The following CDH4 variants were observed in gnomAD, a reference collection of about 807,000 sequenced individuals.
CDH4 encodes the protein cadherin 4, also known as cadherin-4.
A neutral mutation model predicts 86.0 loss-of-function variants in CDH4; 33 were observed. The ratio of observed to expected loss-of-function variants is 0.38; its 90% CI spans 0.29 to 0.51. CDH4 has a LOEUF of 0.51. CDH4 is among the 20% of genes least tolerant of loss of function. The probability of loss-of-function intolerance (pLI) is 0.86; values close to 1 mark genes in which losing one functional copy is unlikely to be tolerated. For missense variants in CDH4, 1,114 were observed against 1,307.4 expected, an observed-to-expected ratio of 0.85 and a Z score of 2.28; for synonymous variants, 555 against 549.4, an observed-to-expected ratio of 1.01 and a Z score of -0.14.
intron 2 of CDH4, among the ~76,000 whole-genome samples, chr20:61,695,729 A>G (rs2087708385): frequency 6.6e-6 from 1 of 152,198 alleles, no homozygotes; most frequent in Admixed American, 6.5e-5. Flanking sequence ...GACTTGGAAA[A>G]TGGTGAGCCC....
chr20:61,444,056 TTGTC>T (rs758151517), intron 2 of CDH4, among the ~76,000 whole-genome samples: 953 of 31,492 alleles, frequency 0.03, 7 homozygotes, highest in Non-Finnish European at 0.042. Flanking sequence ...ATATCTCTGG[TTGTC>T]TGTGTGTGTG....
At chr20:61,366,592 G>A (rs562170491) in intron 2 of CDH4, among the ~76,000 whole-genome samples, 25 of 152,334 alleles carry the variant, frequency 1.6e-4, no homozygotes, top group African/African-American at 5.8e-4. Flanking sequence ...ACCCCTTATG[G>A]GAAACGAAGG....
chr20:61,536,208 G>A (rs1169019125), intron 2 of CDH4, among the ~76,000 whole-genome samples: 1 of 152,128 alleles, frequency 6.6e-6, no homozygotes, highest in African/African-American at 2.4e-5. Flanking sequence ...TGTGTTCCAC[G>A]GGTGCAACAA....
chr20:61,557,521 A>G (rs796558040), intron 2 of CDH4, among the ~76,000 whole-genome samples: 2 of 152,334 alleles, frequency 1.3e-5, no homozygotes, highest in African/African-American at 4.8e-5. Flanking sequence ...TGGTCTGCTC[A>G]CTGCAGACTT....
intron 2 of CDH4, among the ~76,000 whole-genome samples, chr20:61,409,735 C>G (rs1051554431): frequency 6.6e-6 from 1 of 152,212 alleles, no homozygotes; most frequent in African/African-American, 2.4e-5. Flanking sequence ...CCTGGAATGC[C>G]ATTTATTTTC....
intron 3 of CDH4, among the ~76,000 whole-genome samples, chr20:61,767,983 C>T (rs538169826): frequency 5.9e-5 from 9 of 152,288 alleles, no homozygotes; most frequent in South Asian, 2.1e-4. Flanking sequence ...CGACAGTGGG[C>T]GGCTGCCTTG....
At chr20:61,913,007 A>G (rs1462693440) in intron 9 of CDH4, among the ~76,000 whole-genome samples, 1 of 152,168 alleles carries the variant, frequency 6.6e-6, no homozygotes, top group Non-Finnish European at 1.5e-5. Flanking sequence ...GTGAGCCCAG[A>G]GCTGGCTGGG....
chr20:61,454,477 A>C (rs544928064), intron 2 of CDH4, among the ~76,000 whole-genome samples: 1 of 151,764 alleles, frequency 6.6e-6, no homozygotes, highest in African/African-American at 2.4e-5. Context: ...ACGGAGTCTC[A>C]CTCTGTCCCC....
chr20:61,647,559 C>CTCTCCG (rs2087076900), intron 2 of CDH4, among the ~76,000 whole-genome samples: 1 of 113,386 alleles, frequency 8.8e-6, no homozygotes, highest in Non-Finnish European at 2.1e-5. Context: ...CTCCCTCTCC[C>CTCTCCG]TCTCCCTCTC....
chr20:61,790,606 C>T (rs1422743727), intron 4 of CDH4, among the ~76,000 whole-genome samples: 1 of 151,818 alleles, frequency 6.6e-6, no homozygotes, highest in Non-Finnish European at 1.5e-5. Flanking sequence ...ATCCACCCAC[C>T]ATCCACCCAT....
In CDH4 at chr20:61,829,884, G is replaced by T. The variant is rs570920743; in HGVS notation, c.577-14784G>T. Reference sequence around the variant, plus strand: ...TCATCCCTCCCGCCCCTAGCCTGCTGGGGTGGGAGGGACGAGGCTCCTGCC... The same window carrying T: ...TCATCCCTCCCGCCCCTAGCCTGCTTGGGTGGGAGGGACGAGGCTCCTGCC... On this transcript the variant is annotated intron_variant, in intron 4 of 15. Transcript: ENST00000614565. This position sits in a 1 kb window ranked among gnomAD's most constrained non-coding sequence, Gnocchi z 4.2. 6.6e-6 allele frequency among the ~76,000 whole-genome samples: 1 copy of T among 152,170 alleles called. No individual in the cohort carries two copies. Among genetic ancestry groups the T allele is most frequent in the South Asian group, 2.1e-4 (1 of 4,820 alleles).
At chr20:61,889,493 TGATGGATGGATGATG>T (rs543161091) in intron 7 of CDH4, among the ~76,000 whole-genome samples, 18 of 140,060 alleles carry the variant, frequency 1.3e-4, no homozygotes, top group South Asian at 7.0e-4. Flanking sequence ...AGTGAGTGGA[TGATGGATGGATGATG>T]GATGGATGGA....
In CDH4 at chr20:61,773,143, C is replaced by T. The variant is rs774837151; in HGVS notation, c.537C>T (p.Pro179=). ...GGGTCATCCCGCCCATCAACGTGCCCGAGAACTCGCGCGGGCCCTTCCCGC... is the reference window on the plus strand; with the variant it reads ...GGGTCATCCCGCCCATCAACGTGCCTGAGAACTCGCGCGGGCCCTTCCCGC... The part of the protein sequence containing the change: ...RDWVIPPINV[P]ENSRGPFPQQ... The change falls in exon 4 of 16, where the codon CCC becomes CCT. Residue 179 remains proline (P), a synonymous_variant. Coordinates refer to ENST00000614565, the MANE Select transcript of CDH4 (RefSeq NM_001794.5). The T allele has an allele frequency of 1.9e-6, 3 of 1,599,314 alleles. No individual in the cohort carries two copies. Among genetic ancestry groups the T allele is most frequent in the Non-Finnish European group, 1.7e-6 (2 of 1,173,364 alleles).
rs1245124139 is a variant in CDH4, at chr20:61,937,052, G to A, written c.*109G>A. The A allele has an allele frequency of 2.2e-6, 2 of 890,232 alleles. No individual in the cohort carries two copies. Among genetic ancestry groups the A allele is most frequent in the Non-Finnish European group, 3.2e-6 (2 of 618,942 alleles). The allele number at this position is 890,232 out of a possible 1,614,324, so 55.1% of individuals were successfully genotyped here. On this transcript the variant is annotated 3_prime_UTR_variant, in exon 16 of 16. Coordinates refer to ENST00000614565, the MANE Select transcript of CDH4 (RefSeq NM_001794.5). Reference sequence around the variant, plus strand: ...GACTCCCTGCGGCTGTGTCCTTAGTGCTGTTAGGAGGCCCCCCAATCCCCA... The same window carrying A: ...GACTCCCTGCGGCTGTGTCCTTAGTACTGTTAGGAGGCCCCCCAATCCCCA...
At chr20:61,414,572 C>T (rs979717311) in intron 2 of CDH4, among the ~76,000 whole-genome samples, 18 of 152,180 alleles carry the variant, frequency 1.2e-4, no homozygotes, top group Admixed American at 7.9e-4. Context: ...GTTCTCTGTG[C>T]GGCAATATTA....
intron 2 of CDH4, among the ~76,000 whole-genome samples, chr20:61,316,429 C>T (rs1055191657): frequency 5.3e-4 from 81 of 152,312 alleles, no homozygotes; most frequent in African/African-American, 1.9e-3. Flanking sequence ...CAAGTTCAGG[C>T]GGCAGAACAA....
chr20:61,762,404 T>C (rs986163174), intron 3 of CDH4, among the ~76,000 whole-genome samples: 1 of 152,228 alleles, frequency 6.6e-6, no homozygotes, highest in Non-Finnish European at 1.5e-5. Flanking sequence ...TACCCACTGT[T>C]CACCCACATT....
intron 5 of CDH4, among the ~76,000 whole-genome samples, chr20:61,849,803 A>T (rs1265838047): frequency 6.6e-6 from 1 of 152,148 alleles, no homozygotes; most frequent in African/African-American, 2.4e-5. Context: ...TCAGCTTTCG[A>T]AGGCCCATGT....
intron 2 of CDH4, among the ~76,000 whole-genome samples, chr20:61,424,129 C>A (rs1346414206): frequency 2.0e-5 from 3 of 151,846 alleles, no homozygotes; most frequent in South Asian, 2.1e-4. Flanking sequence ...ACACATGTAT[C>A]CACACACAGC....
Sources: allele counts gnomAD v4.1 joint callset (sites outside exome capture counted in the v4.1 genomes callset), GRCh38; gene constraint gnomAD v4.1.1; non-coding constraint Gnocchi (gnomAD v3.1); transcripts MANE v1.5; gene names NCBI Gene and HGNC (gene_info 2026-07-23, HGNC 2026-07-21).